The following NOL4L variants were observed in gnomAD, a reference collection of about 807,000 sequenced individuals.
NOL4L encodes nucleolar protein 4-like.
NOL4L carries 7 observed loss-of-function variants against 64.5 expected under a neutral mutation model. The ratio of observed to expected loss-of-function variants is 0.11; its 90% CI spans 0.06 to 0.20. The LOEUF is 0.20. NOL4L is among the 10% of genes least tolerant of loss of function. NOL4L has a pLI of 1.00. For synonymous variants in NOL4L, 413 were observed against 401.0 expected (o/e 1.03, Z -0.36); for missense variants, 680 against 967.1 (o/e 0.70, Z 3.94).
At chr20:32,485,093 A>AAG in intron 4 of NOL4L, among the ~76,000 whole-genome samples, 1 of 114,588 alleles carries the variant, frequency 8.7e-6, no homozygotes, top group East Asian at 2.9e-4. Context: ...AAAAACAACT[A>AAG]AAAAAAAACC....
At chr20:32,503,844 T>C (rs982679463) in intron 4 of NOL4L, among the ~76,000 whole-genome samples, 10 of 145,796 alleles carry the variant, frequency 6.9e-5, no homozygotes, top group African/African-American at 2.5e-4. Flanking sequence ...TACTTAATGC[T>C]TTTTTTTTGC....
chr20:32,569,027 CA>C (rs1274063256), intron 1 of NOL4L, among the ~76,000 whole-genome samples: 3 of 152,152 alleles, frequency 2.0e-5, no homozygotes, highest in African/African-American at 7.2e-5. Flanking sequence ...AGGAACTCAG[CA>C]GTGAACCAGA....
At chr20:32,565,244 C>G (rs1347824284) in intron 1 of NOL4L, among the ~76,000 whole-genome samples, 1 of 152,150 alleles carries the variant, frequency 6.6e-6, no homozygotes, top group Non-Finnish European at 1.5e-5. Flanking sequence ...ACACACAGGC[C>G]GAGTGGACGG....
intron 4 of NOL4L, chr20:32,485,503 T>A (rs2016052306): frequency 3.5e-6 from 1 of 288,000 alleles, no homozygotes; most frequent in South Asian, 2.9e-5. Flanking sequence ...AATAGAAAAC[T>A]CACACTTTCT....
At chr20:32,457,241 C>A (rs1282617235) in intron 5 of NOL4L, among the ~76,000 whole-genome samples, 1 of 152,226 alleles carries the variant, frequency 6.6e-6, no homozygotes, top group African/African-American at 2.4e-5. Context: ...GCCCACCCAG[C>A]CCCAGCCCCA....
Position 32,446,977 on chromosome 20 carries a change from C to G in NOL4L, c.*619G>C. Reference sequence around the variant, plus strand: ...TGCAACAGGATGGCCTGGCCAAGGGCTAGCGGCCACAGGGTGCACCAGGCA... The same window carrying G: ...TGCAACAGGATGGCCTGGCCAAGGGGTAGCGGCCACAGGGTGCACCAGGCA... On this transcript the variant is annotated 3_prime_UTR_variant, in exon 11 of 11. Transcript: ENST00000621426. 3.2e-6 allele frequency: 1 copy of G among 307,784 alleles called. No individual in the cohort carries two copies. Among genetic ancestry groups the G allele is most frequent in the Non-Finnish European group, 6.3e-6 (1 of 159,046 alleles). 19.1% of individuals were successfully genotyped at this position (307,784 alleles called of 1,614,324 possible).
intron 1 of NOL4L, among the ~76,000 whole-genome samples, chr20:32,563,261 G>T (rs1430656228): frequency 8.5e-6 from 1 of 117,512 alleles, no homozygotes; most frequent in Non-Finnish European, 1.8e-5. Context: ...AGGTCAGGGA[G>T]GGTGGGGAGG....
chr20:32,486,941 T>C (rs970701021), intron 4 of NOL4L: 6 of 347,870 alleles, frequency 1.7e-5, no homozygotes, highest in African/African-American at 6.5e-5. Context: ...AAAACATTCA[T>C]TGTCACTAAT....
intron 1 of NOL4L, among the ~76,000 whole-genome samples, chr20:32,567,003 G>A (rs900758689): frequency 6.6e-6 from 1 of 152,230 alleles, no homozygotes; most frequent in Admixed American, 6.5e-5. Flanking sequence ...GTGGGCCCCA[G>A]GCTGCACAGG....
chr20:32,467,812 C>T (rs2014680125), intron 5 of NOL4L, among the ~76,000 whole-genome samples: 1 of 152,174 alleles, frequency 6.6e-6, no homozygotes, highest in South Asian at 2.1e-4. Flanking sequence ...CTCTGTGTGC[C>T]CCCACACTTC....
intron 1 of NOL4L, among the ~76,000 whole-genome samples, chr20:32,572,916 TG>T (rs773540433): frequency 1.4e-4 from 21 of 152,234 alleles, no homozygotes; most frequent in Non-Finnish European, 2.8e-4. Flanking sequence ...TCACTGCCAC[TG>T]GCCACGCCAC....
At chr20:32,582,844 AG>A (rs1980570146) in intron 1 of NOL4L, among the ~76,000 whole-genome samples, 2 of 151,766 alleles carry the variant, frequency 1.3e-5, no homozygotes, top group South Asian at 4.1e-4. Flanking sequence ...GGGAGAACCG[AG>A]GAGGGGACCG....
chr20:32,511,517 G>T, intron 3 of NOL4L, 61 bp from the exon 4 acceptor site: 2 of 1,202,778 alleles, frequency 1.7e-6, no homozygotes, highest in East Asian at 5.1e-5. Context: ...TTGCCCACAT[G>T]GAGCATTTAA....
intron 3 of NOL4L, among the ~76,000 whole-genome samples, chr20:32,516,284 C>G (rs977770840): frequency 2.2e-5 from 3 of 139,490 alleles, no homozygotes; most frequent in African/African-American, 7.9e-5. Context: ...CAAAAGGTGG[C>G]AAAAAAAAAA....
intron 1 of NOL4L, chr20:32,536,938 A>G: frequency 2.2e-6 from 1 of 452,098 alleles, no homozygotes; most frequent in Non-Finnish European, 2.9e-6. Context: ...GCGCCCGCTC[A>G]CCTGGAGACC....
At position 32,466,578 on chromosome 20, in the gene NOL4L, G is replaced by A. The variant is rs139759095; in HGVS notation, c.841+8023C>T. 5.5e-3 allele frequency among the ~76,000 whole-genome samples: 840 copies of A among 151,964 alleles called. 6 individuals carry two copies. The highest frequency in any genetic ancestry group is 7.8e-3 in the Non-Finnish European group (532 of 67,934). ...TCTGCTCCTGGGGGAGGGGAGGCCAGGAGGCCGCCGCCTGCTCATCTGTTG... is the reference window on the plus strand; with the variant it reads ...TCTGCTCCTGGGGGAGGGGAGGCCAAGAGGCCGCCGCCTGCTCATCTGTTG... On this transcript the variant is annotated intron_variant, in intron 5 of 10. Coordinates refer to ENST00000621426, the MANE Select transcript of NOL4L (RefSeq NM_001256798.2).
intron 1 of NOL4L, among the ~76,000 whole-genome samples, chr20:32,567,021 G>A (rs995060103): frequency 2.0e-5 from 3 of 152,216 alleles, no homozygotes; most frequent in Non-Finnish European, 4.4e-5. Context: ...AGGAAGTGAA[G>A]GGGCAGCATT....
In NOL4L at chr20:32,546,192, G is replaced by C. The variant is rs575070872; in HGVS notation, c.322-18279C>G. ...TGAACACCTGACCTCATGACCTGCC[G>C]GCCTTGGCCTCCCAAAGTGCTGGGA... On this transcript the variant is annotated intron_variant, in intron 1 of 10. Coordinates refer to ENST00000621426, the MANE Select transcript of NOL4L (RefSeq NM_001256798.2). Among the ~76,000 whole-genome samples the C allele has an allele frequency of 2.3e-4, 35 of 152,128 alleles. 1 individual carries two copies. The highest frequency in any genetic ancestry group is 8.0e-4 in the African/African-American group (33 of 41,504).
intron 4 of NOL4L, among the ~76,000 whole-genome samples, chr20:32,488,916 G>T: frequency 9.7e-6 from 1 of 103,158 alleles, no homozygotes; most frequent in African/African-American, 3.8e-5. Context: ...CTTTCTTTCT[G>T]ACTAACCTGT....
Sources: gnomAD v4.1 joint callset for allele counts (sites outside exome capture counted in the v4.1 genomes callset) on GRCh38, gnomAD v4.1.1 for gene constraint, MANE v1.5 for transcripts, NCBI Gene and HGNC (gene_info 2026-07-23, HGNC 2026-07-21) for gene names.